FLT3: variants seen among roughly 807,000 people sequenced by gnomAD.
FLT3 encodes the protein receptor-type tyrosine-protein kinase FLT3.
Under a neutral mutation model 126.6 loss-of-function variants are expected in FLT3, and 46 were observed. The observed-to-expected ratio is 0.36, with a 90% CI of 0.29 to 0.46. The LOEUF (loss-of-function observed/expected upper bound fraction) is 0.46. Among genes scored for constraint, FLT3 ranks in the 20% least tolerant of loss-of-function variants. The pLI is 1.00. For missense variants in FLT3, 1,069 were observed against 1,190.3 expected (o/e 0.90, Z 1.50); for synonymous variants, 404 against 434.4 (o/e 0.93, Z 0.87).
chr13:28,051,466 A>G (rs1875455607), intron 5 of FLT3, among the ~76,000 whole-genome samples: 1 of 150,772 alleles, frequency 6.6e-6, no homozygotes, highest in African/African-American at 2.4e-5. Context: ...CGAACCCCCA[A>G]CCTCAGGTGA....
intron 17 of FLT3, among the ~76,000 whole-genome samples, chr13:28,026,340 G>A (rs1395645133): frequency 5.8e-5 from 7 of 119,912 alleles, no homozygotes; most frequent in Admixed American, 4.9e-4. Flanking sequence ...GCAACAGAGC[G>A]AAACTCTGTC....
chr13:28,096,924 A>C (rs1375617897), intron 1 of FLT3, among the ~76,000 whole-genome samples: 1 of 152,196 alleles, frequency 6.6e-6, no homozygotes, highest in Non-Finnish European at 1.5e-5. Flanking sequence ...GCTTGTGCCT[A>C]GCAAGAAATA....
At chr13:28,059,705 T>C (rs2137762077) in intron 3 of FLT3, among the ~76,000 whole-genome samples, 1 of 152,310 alleles carries the variant, frequency 6.6e-6, no homozygotes, top group South Asian at 2.1e-4. Context: ...CTCATGCCTG[T>C]AATCCCAGCA....
At chr13:28,066,742 T>A (rs1426603216) in intron 2 of FLT3, among the ~76,000 whole-genome samples, 2 of 151,994 alleles carry the variant, frequency 1.3e-5, no homozygotes, top group Non-Finnish European at 2.9e-5. Context: ...ATAGAGGGAA[T>A]GTAGGAAAAA....
chr13:28,098,779 C>A (rs1344121), intron 1 of FLT3, among the ~76,000 whole-genome samples: 4,228 of 143,232 alleles, frequency 0.03, 183 homozygotes, highest in African/African-American at 0.11. Flanking sequence ...ATGGTACCAG[C>A]AATTAAAAAA....
chr13:28,051,736 T>TG (rs1297223371), intron 5 of FLT3, among the ~76,000 whole-genome samples: 1 of 150,952 alleles, frequency 6.6e-6, no homozygotes, highest in Non-Finnish European at 1.5e-5. Context: ...TTAGTAGAGA[T>TG]GGGGTTTCAC....
At chr13:28,015,870 T>C (rs1871807764) in intron 20 of FLT3, among the ~76,000 whole-genome samples, 169 bp from the exon 21 acceptor site, 1 of 152,210 alleles carries the variant, frequency 6.6e-6, no homozygotes, top group Non-Finnish European at 1.5e-5. Flanking sequence ...ATTAACATTC[T>C]AATAATACTA....
chr13:28,034,869 G>A (rs1207998582), intron 12 of FLT3, among the ~76,000 whole-genome samples: 3 of 151,538 alleles, frequency 2.0e-5, no homozygotes, highest in Admixed American at 6.6e-5. Flanking sequence ...CAGGAGAATC[G>A]CTTGAACCCT....
intron 15 of FLT3, among the ~76,000 whole-genome samples, chr13:28,028,763 CTTT>C (rs56181669): frequency 1.4e-5 from 2 of 140,076 alleles, no homozygotes; most frequent in Non-Finnish European, 3.0e-5. Context: ...TCTCCTTTTT[CTTT>C]TTTTTTTTTC....
At chr13:28,028,137 A>C in intron 16 of FLT3, 41 bp downstream of exon 16, 1 of 896,888 alleles carries the variant, frequency 1.1e-6, no homozygotes, top group South Asian at 1.3e-5. Flanking sequence ...TCATCAAGCT[A>C]CAGTCTTTTT....
chr13:28,071,170 CTT>C (rs11408683), intron 1 of FLT3, among the ~76,000 whole-genome samples: 1 of 143,052 alleles, frequency 7.0e-6, no homozygotes. Flanking sequence ...AATTTTCTTT[CTT>C]TTTTTTTTTG....
intron 17 of FLT3, 124 bp downstream of exon 17, chr13:28,026,964 C>T (rs1566065690): frequency 7.8e-6 from 6 of 767,004 alleles, no homozygotes; most frequent in Non-Finnish European, 1.3e-5. Flanking sequence ...CAGGAAATCT[C>T]TAGGTTGCAG....
At chr13:28,028,068 G>A (rs1472405405) in intron 16 of FLT3, 110 bp downstream of exon 16, 1 of 665,630 alleles carries the variant, frequency 1.5e-6, no homozygotes, top group Admixed American at 2.4e-5. Flanking sequence ...CACTGTGACT[G>A]AGAAAAGACA....
intron 16 of FLT3, among the ~76,000 whole-genome samples, chr13:28,027,497 C>T (rs560762039): frequency 6.6e-6 from 1 of 152,310 alleles, no homozygotes; most frequent in East Asian, 1.9e-4. Context: ...ATACCACTGG[C>T]CTCCTGGATT....
At chr13:28,044,778 T>C (rs1280853551) in intron 9 of FLT3, among the ~76,000 whole-genome samples, 1 of 152,148 alleles carries the variant, frequency 6.6e-6, no homozygotes, top group Non-Finnish European at 1.5e-5. Flanking sequence ...CACTGAGTAC[T>C]GGGTGTTGTG....
In FLT3 at chr13:28,071,235, C is replaced by T. The variant is rs562265440; in HGVS notation, c.44-623G>A. On this transcript the variant is annotated intron_variant, in intron 1 of 23. Transcript: ENST00000241453. Reference sequence around the variant, plus strand: ...ACGTTAGCCAGGCTGGTCTTGGACTCCTGACCTCAGGTGATCCACCCGCCT... The same window carrying T: ...ACGTTAGCCAGGCTGGTCTTGGACTTCTGACCTCAGGTGATCCACCCGCCT... 3.7e-3 allele frequency among the ~76,000 whole-genome samples: 560 copies of T among 151,384 alleles called. 6 individuals are homozygous for T. Among genetic ancestry groups the T allele is most frequent in the African/African-American group, 0.013 (516 of 41,210 alleles).
At chr13:28,050,529 T>A (rs75844510) in intron 5 of FLT3, among the ~76,000 whole-genome samples, 1 of 150,590 alleles carries the variant, frequency 6.6e-6, no homozygotes, top group African/African-American at 2.4e-5. Context: ...GGGAAAAAAA[T>A]GAGAAAGAAG....
intron 1 of FLT3, among the ~76,000 whole-genome samples, chr13:28,091,285 G>A (rs868797702): frequency 0.011 from 1,365 of 126,330 alleles, 28 homozygotes; most frequent in African/African-American, 0.033. Flanking sequence ...GCAGTGGCGC[G>A]ATCTCGGCTC....
rs1873790062 is a variant in FLT3 at position 28,035,869 on chromosome 13, G to T, written c.1418+66C>A. ...TCATTTCCTCTTAAACTGTATTCATGAAAGAGTCAATAGGTCAGAGAGTTT... is the reference window on the plus strand; with the variant it reads ...TCATTTCCTCTTAAACTGTATTCATTAAAGAGTCAATAGGTCAGAGAGTTT... On this transcript the variant is annotated intron_variant, in intron 11 of 23. Transcript: ENST00000241453. The T allele has an allele frequency of 3.0e-6, 4 of 1,344,576 alleles. No homozygotes were observed. In the South Asian group the frequency reaches 4.7e-5, roughly 16 times the overall value. 83.3% of individuals were successfully genotyped at this position (1,344,576 alleles called of 1,614,324 possible).
Sources: allele counts gnomAD v4.1 joint callset (sites outside exome capture counted in the v4.1 genomes callset), GRCh38; gene constraint gnomAD v4.1.1; transcripts MANE v1.5; gene names NCBI Gene and HGNC (gene_info 2026-07-23, HGNC 2026-07-21).